Variants in TMEM200A observed in about 807,000 individuals in gnomAD.
TMEM200A encodes two transmembrane C.
A neutral mutation model predicts 24.3 loss-of-function variants in TMEM200A; 12 were observed. The ratio of observed to expected loss-of-function variants is 0.49; its 90% confidence interval spans 0.32 to 0.80. The LOEUF (loss-of-function observed/expected upper bound fraction) is 0.80. TMEM200A is among the 30% of genes least tolerant of loss of function. TMEM200A has a pLI of 0.04. For synonymous variants in TMEM200A, 224 were observed against 224.4 expected (o/e 1.00, Z 0.02); for missense variants, 545 against 614.4 (o/e 0.89, Z 1.19).
At chr6:130,431,949 C>T (rs1208860831) in intron 2 of TMEM200A, among the ~76,000 whole-genome samples, 1 of 152,110 alleles carries the variant, frequency 6.6e-6, no homozygotes, top group Non-Finnish European at 1.5e-5. Flanking sequence ...ATTTTCTAAA[C>T]ATTTTGTACT....
At chr6:130,383,970 A>T (rs1371481541) in intron 1 of TMEM200A, among the ~76,000 whole-genome samples, 1 of 152,126 alleles carries the variant, frequency 6.6e-6, no homozygotes, top group Non-Finnish European at 1.5e-5. Context: ...AATACAAAAA[A>T]TTAGCCAGGT....
chr6:130,441,315 G>A lies in TMEM200A; in HGVS notation c.893G>A (p.Cys298Tyr), dbSNP rs778617174. The A allele has an allele frequency of 2.5e-6, 4 of 1,614,028 alleles. No homozygotes were observed. The South Asian group carries it at 4.4e-5, about 18-fold the overall frequency. ...FTLPVIKLNN[C>Y]VIDEPSIDNI... Reference sequence around the variant, plus strand: ...TTGCCTGTGATCAAACTTAATAACTGTGTTATTGATGAGCCCAGTATAGAT... The same window carrying A: ...TTGCCTGTGATCAAACTTAATAACTATGTTATTGATGAGCCCAGTATAGAT... The change falls in exon 3 of 3, where the codon TGT becomes TAT. Residue 298 changes from cysteine to tyrosine, a missense_variant. Coordinates refer to ENST00000296978, the MANE Select transcript of TMEM200A (RefSeq NM_001258277.2).
intron 2 of TMEM200A, among the ~76,000 whole-genome samples, chr6:130,436,074 A>T (rs1032885699): frequency 1.3e-5 from 2 of 152,186 alleles, no homozygotes; most frequent in Non-Finnish European, 2.9e-5. Flanking sequence ...GGAAACAGGA[A>T]TCAGAATAAG....
In TMEM200A at chr6:130,409,938, G is replaced by T. The variant is rs565958161; in HGVS notation, c.-17+24702G>T. Among the ~76,000 whole-genome samples the T allele has an allele frequency of 3.5e-4, 53 of 152,030 alleles. No homozygotes were observed. In the South Asian group the frequency reaches 5.0e-3, roughly 14 times the overall value. ...TTTAAATATCAGAAAAGTATGAGAA[G>T]TTAATTTTTAGTTTTTAGAAGATCT... On this transcript the variant is annotated intron_variant, in intron 2 of 2. Coordinates refer to ENST00000296978, the MANE Select transcript of TMEM200A (RefSeq NM_001258277.2).
intron 2 of TMEM200A, among the ~76,000 whole-genome samples, chr6:130,417,065 C>T (rs894377360): frequency 7.2e-5 from 11 of 152,122 alleles, no homozygotes; most frequent in African/African-American, 2.2e-4. Context: ...TACATTTTCT[C>T]TTTTTAATAC....
rs9492594 is a variant in TMEM200A at position 130,442,136 on chromosome 6, A to G, written c.*238A>G. 22,847 of 369,730 alleles carry G rather than the reference A, an allele frequency of 0.062. 2,826 individuals are homozygous for G. The highest frequency in any genetic ancestry group is 0.33 in the African/African-American group (15,888 of 47,666). 22.9% of individuals were successfully genotyped at this position (369,730 alleles called of 1,614,324 possible). A position where few individuals can be genotyped will look rare whatever the true frequency, so the allele number is the denominator to read the frequency against. ...TTCCTTTGAAAGCATGATCTCTTTT[A>G]TTAATATGAATGCAAAATGCTTGCA... On this transcript the variant is annotated 3_prime_UTR_variant, in exon 3 of 3. Transcript: ENST00000296978.
chr6:130,424,093 A>G (rs912777160), intron 2 of TMEM200A, among the ~76,000 whole-genome samples: 7 of 149,728 alleles, frequency 4.7e-5, no homozygotes, highest in African/African-American at 1.7e-4. Context: ...CTAAATTCAT[A>G]AAGTCTTCTT....
Position 130,442,053 on chromosome 6 carries a change from G to A in TMEM200A, c.*155G>A, listed in dbSNP as rs1780207741. 1.4e-6 allele frequency: 1 copy of A among 713,644 alleles called. No individual in the cohort carries two copies. The highest frequency in any genetic ancestry group is 2.2e-6 in the Non-Finnish European group (1 of 444,456). 44.2% of individuals were successfully genotyped at this position (713,644 alleles called of 1,614,324 possible). A position where few individuals can be genotyped will look rare whatever the true frequency, so the allele number is the denominator to read the frequency against. On this transcript the variant is annotated 3_prime_UTR_variant, in exon 3 of 3. Transcript: ENST00000296978. The stretch of plus-strand genomic sequence containing the variant: ...AGTTCTGTAATGAAGATGGTTGTAT[G>A]TTTGGGTTACTTGTGACTGCAGTAC...
chr6:130,373,705 A>G (rs1172352030), intron 1 of TMEM200A, among the ~76,000 whole-genome samples: 1 of 152,124 alleles, frequency 6.6e-6, no homozygotes, highest in Non-Finnish European at 1.5e-5. Context: ...ATTCCATTTT[A>G]TATATGTTTA....
intron 2 of TMEM200A, among the ~76,000 whole-genome samples, chr6:130,426,087 T>C (rs1161490909): frequency 6.6e-6 from 1 of 152,200 alleles, no homozygotes; most frequent in African/African-American, 2.4e-5. Context: ...CATAAACTCA[T>C]TTTAAATAAG....
At chr6:130,386,760 C>G (rs1330198963) in intron 2 of TMEM200A, among the ~76,000 whole-genome samples, 1 of 152,172 alleles carries the variant, frequency 6.6e-6, no homozygotes, top group African/African-American at 2.4e-5. Context: ...GTCGTTTCGA[C>G]AGATAGGAGC....
chr6:130,432,192 C>T (rs1424002721), intron 2 of TMEM200A, among the ~76,000 whole-genome samples: 1 of 152,202 alleles, frequency 6.6e-6, no homozygotes, highest in Non-Finnish European at 1.5e-5. Context: ...TAGTTTTATG[C>T]TTGGGTGTCC....
intron 2 of TMEM200A, among the ~76,000 whole-genome samples, chr6:130,406,951 A>AT (rs1337307457): frequency 3.3e-5 from 5 of 152,008 alleles, no homozygotes; most frequent in Non-Finnish European, 5.9e-5. Context: ...ATGACAGGCT[A>AT]TTTTTTCCTC....
intron 2 of TMEM200A, among the ~76,000 whole-genome samples, chr6:130,388,451 G>C (rs1184444363): frequency 6.6e-6 from 1 of 152,220 alleles, no homozygotes; most frequent in Non-Finnish European, 1.5e-5. Flanking sequence ...CATAGCCTCA[G>C]GGTGTGACAA....
At chr6:130,400,506 A>G (rs941409460) in intron 2 of TMEM200A, among the ~76,000 whole-genome samples, 38 of 133,628 alleles carry the variant, frequency 2.8e-4, no homozygotes, top group African/African-American at 1.2e-3. Flanking sequence ...GTGACAGTTT[A>G]GCTCCTATGA....
At chr6:130,377,670 A>G (rs191384386) in intron 1 of TMEM200A, among the ~76,000 whole-genome samples, 131 of 152,300 alleles carry the variant, frequency 8.6e-4, no homozygotes, top group Middle Eastern at 6.8e-3. Flanking sequence ...AGCCTCACTC[A>G]TTTATACTTT....
At chr6:130,368,208 C>T (rs1778229709) in intron 1 of TMEM200A, among the ~76,000 whole-genome samples, 1 of 152,004 alleles carries the variant, frequency 6.6e-6, no homozygotes, top group African/African-American at 2.4e-5. Context: ...AGCTCATTGG[C>T]CAGAAAAGGA....
At chr6:130,391,235 G>T (rs1562555001) in intron 2 of TMEM200A, among the ~76,000 whole-genome samples, 1 of 152,186 alleles carries the variant, frequency 6.6e-6, no homozygotes, top group Non-Finnish European at 1.5e-5. Context: ...AATACTTAAA[G>T]AAGTTATCAG....
At chr6:130,415,799 GAAGT>G (rs1269549077) in intron 2 of TMEM200A, among the ~76,000 whole-genome samples, 1 of 152,150 alleles carries the variant, frequency 6.6e-6, no homozygotes, top group Non-Finnish European at 1.5e-5. Flanking sequence ...TGTATGTAAG[GAAGT>G]GTCACAGTAT....
Sources: allele counts gnomAD v4.1 joint callset (sites outside exome capture counted in the v4.1 genomes callset), GRCh38; gene constraint gnomAD v4.1.1; transcripts MANE v1.5; gene names NCBI Gene and HGNC (gene_info 2026-07-23, HGNC 2026-07-21).